The following SLC28A3 variants were observed in gnomAD, a reference collection of about 807,000 sequenced individuals.
The protein encoded by SLC28A3 is concentrative Na(+)-nucleoside cotransporter 3.
SLC28A3 carries 68 observed loss-of-function variants against 84.2 expected under a neutral mutation model. The ratio of observed to expected loss-of-function variants is 0.81; its 90% CI spans 0.66 to 0.99. SLC28A3 has a LOEUF of 0.99. SLC28A3 is among the 50% of genes least tolerant of loss of function. The probability of loss-of-function intolerance (pLI) is 0.00; values close to 1 mark genes in which losing one functional copy is unlikely to be tolerated. For synonymous variants in SLC28A3, 267 were observed against 303.6 expected (o/e 0.88, Z 1.25); for missense variants, 712 against 841.5 (o/e 0.85, Z 1.90).
intron 1 of SLC28A3, among the ~76,000 whole-genome samples, chr9:84,315,406 A>G (rs189434833): frequency 2.0e-3 from 303 of 152,248 alleles, no homozygotes; most frequent in Middle Eastern, 0.01. Context: ...GAATCCTGAC[A>G]TTTTCTAATT....
the SLC28A3 span, among the ~76,000 whole-genome samples, chr9:84,351,666 AAAATT>A: frequency 6.6e-6 from 1 of 151,322 alleles, no homozygotes; most frequent in Non-Finnish European, 1.5e-5. Context: ...TCTCAAAAAA[AAAATT>A]AAATTAAATT....
At chr9:84,360,190 G>C in the SLC28A3 span, among the ~76,000 whole-genome samples, 2,230 of 152,098 alleles carry the variant, frequency 0.015, 51 homozygotes, top group African/African-American at 0.051. Flanking sequence ...ATGGGAAGCC[G>C]CTGGGAGGTT....
intron 8 of SLC28A3, among the ~76,000 whole-genome samples, chr9:84,296,012 G>A (rs1008088588): frequency 6.6e-6 from 1 of 152,200 alleles, no homozygotes; most frequent in African/African-American, 2.4e-5. Context: ...TGGAATGTTA[G>A]CAGAGGATTC....
At chr9:84,347,530 C>G in the SLC28A3 span, among the ~76,000 whole-genome samples, 1 of 152,136 alleles carries the variant, frequency 6.6e-6, no homozygotes, top group Non-Finnish European at 1.5e-5. Flanking sequence ...CATGCTCACT[C>G]TATTAGTGAG....
rs2117986667 is a variant in SLC28A3 at position 84,275,760 on chromosome 9, C to T, written c.*2458G>A. ...ACCAGCTCATTTTCCTGGTCCTTGG[C>T]CTTTACTATCCTCTTATAATATAGC... On this transcript the variant is annotated 3_prime_UTR_variant, in exon 18 of 18. Coordinates refer to ENST00000376238, the MANE Select transcript of SLC28A3 (RefSeq NM_001199633.2). The T allele has an allele frequency of 6.6e-6, 1 of 152,236 alleles. No homozygotes were observed. The highest frequency in any genetic ancestry group is 1.9e-4 in the East Asian group (1 of 5,178). 9.4% of individuals were successfully genotyped at this position (152,236 alleles called of 1,614,324 possible). A position where few individuals can be genotyped will look rare whatever the true frequency, so the allele number is the denominator to read the frequency against.
At chr9:84,292,571 TAC>T (rs1825276594) in intron 10 of SLC28A3, 95 bp downstream of exon 10, 1 of 945,070 alleles carries the variant, frequency 1.1e-6, no homozygotes, top group Admixed American at 2.7e-5. Context: ...CCATTTTCTC[TAC>T]ACTAAAAGAA....
At chr9:84,353,573 G>A in the SLC28A3 span, among the ~76,000 whole-genome samples, 2 of 152,122 alleles carry the variant, frequency 1.3e-5, no homozygotes, top group Non-Finnish European at 2.9e-5. Context: ...AGCCAGGCGT[G>A]TTGATGCGCG....
intron 1 of SLC28A3, among the ~76,000 whole-genome samples, chr9:84,314,393 C>A (rs534493044): frequency 6.6e-6 from 1 of 152,006 alleles, no homozygotes; most frequent in East Asian, 1.9e-4. Flanking sequence ...TTCAACTTGC[C>A]GTTTTCTAGA....
chr9:84,306,181 G>A (rs1825782381), intron 3 of SLC28A3, among the ~76,000 whole-genome samples: 1 of 152,092 alleles, frequency 6.6e-6, no homozygotes, highest in African/African-American at 2.4e-5. Flanking sequence ...TGGGTGGAAG[G>A]AACTTCTTGC....
At chr9:84,352,865 C>G in the SLC28A3 span, among the ~76,000 whole-genome samples, 8 of 133,968 alleles carry the variant, frequency 6.0e-5, no homozygotes, top group Admixed American at 6.7e-4. Flanking sequence ...TGAACTGCAG[C>G]CTGGGTGACA....
At chr9:84,309,597 G>A in intron 3 of SLC28A3, 32 bp downstream of exon 3, 1 of 1,527,590 alleles carries the variant, frequency 6.5e-7, no homozygotes, top group Non-Finnish European at 9.0e-7. Context: ...CGGGAGGTAG[G>A]CTTGGTTATT....
the SLC28A3 span, among the ~76,000 whole-genome samples, chr9:84,354,866 A>G: frequency 2.0e-5 from 3 of 152,010 alleles, no homozygotes; most frequent in Non-Finnish European, 2.9e-5. Flanking sequence ...AAAAAAGAAA[A>G]AAAAAAGAAA....
chr9:84,276,119 T>C lies in SLC28A3; in HGVS notation c.*2099A>G, dbSNP rs1465840728. On this transcript the variant is annotated 3_prime_UTR_variant, in exon 18 of 18. Transcript: ENST00000376238. The stretch of plus-strand genomic sequence containing the variant: ...ATACTCATTTCAGTTATTGGAAAAC[T>C]TTTAAGCACATTTAGACCAACATGG... 6.6e-6 allele frequency: 1 copy of C among 152,144 alleles called. No individual in the cohort carries two copies. The highest frequency in any genetic ancestry group is 1.5e-5 in the Non-Finnish European group (1 of 68,040). The allele number at this position is 152,144 out of a possible 1,614,324, so 9.4% of individuals were successfully genotyped here.
intron 14 of SLC28A3, among the ~76,000 whole-genome samples, chr9:84,284,177 T>G (rs1051728967): frequency 6.6e-6 from 1 of 152,226 alleles, no homozygotes; most frequent in Non-Finnish European, 1.5e-5. Context: ...ACATTTCACT[T>G]AATTTAGCCT....
intron 6 of SLC28A3, 147 bp from the exon 7 acceptor site, chr9:84,298,166 C>T (rs1825487900): frequency 3.0e-6 from 2 of 668,584 alleles, no homozygotes; most frequent in East Asian, 5.8e-5. Context: ...CTGTCATAAG[C>T]AGAGAACCCT....
In SLC28A3 at chr9:84,276,189, C is replaced by T. The variant is rs1320309322; in HGVS notation, c.*2029G>A. The T allele has an allele frequency of 6.6e-6, 1 of 152,044 alleles. No individual in the cohort carries two copies. The highest frequency in any genetic ancestry group is 1.5e-5 in the Non-Finnish European group (1 of 68,028). 9.4% of individuals were successfully genotyped at this position (152,044 alleles called of 1,614,324 possible). Reference sequence around the variant, plus strand: ...AAATTTAGATTTTATGAAATCTAAACATGGATTAAGTATTATCAGTAAAAC... The same window carrying T: ...AAATTTAGATTTTATGAAATCTAAATATGGATTAAGTATTATCAGTAAAAC... On this transcript the variant is annotated 3_prime_UTR_variant, in exon 18 of 18. Coordinates refer to ENST00000376238, the MANE Select transcript of SLC28A3 (RefSeq NM_001199633.2).
intron 2 of SLC28A3, among the ~76,000 whole-genome samples, chr9:84,311,082 G>T (rs944543628): frequency 4.6e-5 from 7 of 152,072 alleles, no homozygotes; most frequent in Admixed American, 4.6e-4. Context: ...GGAGAGAGTT[G>T]TGTTTACTCT....
chr9:84,311,061 G>A (rs2118404602), intron 2 of SLC28A3, among the ~76,000 whole-genome samples: 1 of 152,110 alleles, frequency 6.6e-6, no homozygotes, highest in Non-Finnish European at 1.5e-5. Context: ...TCCTTTCACA[G>A]CCAGGCCGCT....
intron 2 of SLC28A3, among the ~76,000 whole-genome samples, chr9:84,310,759 G>A (rs563439493): frequency 6.6e-6 from 1 of 152,296 alleles, no homozygotes; most frequent in South Asian, 2.1e-4. Flanking sequence ...TTGTAAGAGA[G>A]ACCAGCTGAG....
Sources: gnomAD v4.1 joint callset for allele counts (sites outside exome capture counted in the v4.1 genomes callset) on GRCh38, gnomAD v4.1.1 for gene constraint, MANE v1.5 for transcripts, NCBI Gene and HGNC (gene_info 2026-07-23, HGNC 2026-07-21) for gene names.